NFIA: variants seen among roughly 807,000 people sequenced by gnomAD.
The protein encoded by NFIA is nuclear factor I A, also known as nuclear factor 1 A-type.
In NFIA, 8 loss-of-function variants were observed where a neutral mutation model predicts 62.8. The observed-to-expected ratio is 0.13, with a 90% CI of 0.07 to 0.23. NFIA has a LOEUF of 0.23. Ranked by LOEUF, NFIA falls within the 10% of genes least tolerant of loss-of-function variation. The pLI, the probability that NFIA is intolerant of heterozygous loss-of-function variation, is 1.00. For synonymous variants in NFIA, 235 were observed against 238.1 expected (o/e 0.99, Z 0.12); for missense variants, 410 against 642.1 (o/e 0.64, Z 3.91).
At chr1:61,147,583 T>C (rs753931899) in intron 2 of NFIA, among the ~76,000 whole-genome samples, 12 of 152,272 alleles carry the variant, frequency 7.9e-5, no homozygotes, top group Non-Finnish European at 1.6e-4. Context: ...TAAATTAGAA[T>C]CTTACTATGT....
intron 4 of NFIA, among the ~76,000 whole-genome samples, chr1:61,346,280 C>G (rs1662221850): frequency 6.6e-6 from 1 of 152,184 alleles, no homozygotes; most frequent in African/African-American, 2.4e-5. Context: ...ATTTGATTGG[C>G]AGCGACTGCA....
intron 6 of NFIA, among the ~76,000 whole-genome samples, chr1:61,375,239 A>AT (rs1430768119): frequency 3.3e-5 from 5 of 152,150 alleles, no homozygotes; most frequent in Admixed American, 6.5e-5. Flanking sequence ...CTGATGGTGG[A>AT]TGACTTGCAA....
At chr1:61,332,412 C>T (rs1386577963) in intron 3 of NFIA, 100 bp from the exon 4 acceptor site, 9 of 1,069,574 alleles carry the variant, frequency 8.4e-6, no homozygotes, top group South Asian at 1.3e-5. Flanking sequence ...TGAGATTAGG[C>T]ACCACATGTG....
In NFIA at chr1:61,231,244, TC is replaced by T. The variant is rs1409358544; in HGVS notation, c.560-46275del. Among the ~76,000 whole-genome samples the T allele has an allele frequency of 2.6e-4, 39 of 152,338 alleles. No individual in the cohort carries two copies. The Middle Eastern group carries it at 0.01, about 40-fold the overall frequency. Reference sequence around the variant, plus strand: ...GTTACTTTAAAATTTCCTGGTTTTTTCTTTTGCATATTGGAACTAAGCAATG... The same window carrying T: ...GTTACTTTAAAATTTCCTGGTTTTTTTTTTGCATATTGGAACTAAGCAATG... On this transcript the variant is annotated intron_variant, in intron 2 of 10. Transcript: ENST00000403491.
chr1:61,109,691 A>G (rs765812157), intron 2 of NFIA, among the ~76,000 whole-genome samples: 23 of 151,962 alleles, frequency 1.5e-4, no homozygotes, highest in Non-Finnish European at 2.9e-4. Flanking sequence ...TTCTTAATAT[A>G]TTGAGATTAA....
chr1:61,290,888 T>C, intron 3 of NFIA, among the ~76,000 whole-genome samples: 1 of 152,188 alleles, frequency 6.6e-6, no homozygotes, highest in South Asian at 2.1e-4. Context: ...TTTGACTTTA[T>C]GCTTGTGAAC....
chr1:61,200,010 GTATATATATATATATATATATATATA>G lies in NFIA; in HGVS notation c.560-77478_560-77453del, dbSNP rs60422302. 3.2e-3 allele frequency among the ~76,000 whole-genome samples: 168 copies of G among 52,828 alleles called. 1 individual carries two copies. Among genetic ancestry groups the G allele is most frequent in the South Asian group, 5.9e-3 (9 of 1,514 alleles). 34.7% of individuals were successfully genotyped at this position (52,828 alleles called of 152,430 possible). A position where few individuals can be genotyped will look rare whatever the true frequency, so the allele number is the denominator to read the frequency against. On this transcript the variant is annotated intron_variant, in intron 2 of 10. Transcript: ENST00000403491. ...ACTCCAACTCACAAAATATATATAT[GTATATATATATATATATATATATATA>G]TATATATATATATATATATATATAT...
At chr1:61,332,673 C>T (rs950303330) in intron 4 of NFIA, 87 bp downstream of exon 4, 1 of 1,024,454 alleles carries the variant, frequency 9.8e-7, no homozygotes, top group African/African-American at 1.6e-5. Context: ...CCAAAAAAAG[C>T]TTTCAGAATC....
Position 61,405,835 on chromosome 1 carries a change from G to T in NFIA, c.1255-727G>T, listed in dbSNP as rs528399169. Reference sequence around the variant, plus strand: ...ATTTTTTGTTAAAGAGCTGTTATTTGGTTGTTTTAACATCAGGCAGCAAAA... The same window carrying T: ...ATTTTTTGTTAAAGAGCTGTTATTTTGTTGTTTTAACATCAGGCAGCAAAA... On this transcript the variant is annotated intron_variant, in intron 8 of 10. Coordinates refer to ENST00000403491, the MANE Select transcript of NFIA (RefSeq NM_001134673.4). 2.6e-5 allele frequency among the ~76,000 whole-genome samples: 4 copies of T among 152,198 alleles called. No individual in the cohort carries two copies. The East Asian group carries it at 5.8e-4, about 22-fold the overall frequency.
At chr1:61,446,354 C>G (rs1047861974) in intron 10 of NFIA, among the ~76,000 whole-genome samples, 1 of 152,188 alleles carries the variant, frequency 6.6e-6, no homozygotes, top group African/African-American at 2.4e-5. Context: ...GCCTTCTTCA[C>G]TTCATCTTAA....
intron 9 of NFIA, among the ~76,000 whole-genome samples, chr1:61,415,830 A>G (rs1264543670): frequency 1.3e-5 from 2 of 152,168 alleles, no homozygotes; most frequent in African/African-American, 4.8e-5. Flanking sequence ...TATAAATTTT[A>G]CATGTAAGCC....
intron 2 of NFIA, among the ~76,000 whole-genome samples, chr1:61,128,325 C>G (rs1455330985): frequency 1.3e-5 from 2 of 151,984 alleles, no homozygotes; most frequent in Non-Finnish European, 2.9e-5. Flanking sequence ...AAATGAAGAA[C>G]CTCTTCAAAA....
chr1:61,393,238 CCT>C (rs1383901831), intron 7 of NFIA, among the ~76,000 whole-genome samples: 1 of 40,884 alleles, frequency 2.4e-5, no homozygotes, highest in Non-Finnish European at 3.7e-5. Context: ...TCTGCCTCGC[CCT>C]CTCCCTCTCT....
At chr1:61,141,021 C>T (rs138872490) in intron 2 of NFIA, among the ~76,000 whole-genome samples, 8 of 129,684 alleles carry the variant, frequency 6.2e-5, no homozygotes, top group South Asian at 2.5e-4. Context: ...CTAAGAGGAA[C>T]GCCAACAGAA....
At chr1:61,160,866 T>A (rs75117939) in intron 2 of NFIA, among the ~76,000 whole-genome samples, 2,311 of 152,324 alleles carry the variant, frequency 0.015, 28 homozygotes, top group Non-Finnish European at 0.026. Context: ...GATCACAATC[T>A]AGATTATTTG....
chr1:61,305,213 T>A (rs1325594026), intron 3 of NFIA, among the ~76,000 whole-genome samples: 7 of 151,948 alleles, frequency 4.6e-5, no homozygotes, highest in African/African-American at 1.7e-4. Flanking sequence ...GGAGCAGGAA[T>A]GATTGATATT....
chr1:61,115,132 A>G (rs1045971089), intron 2 of NFIA, among the ~76,000 whole-genome samples: 1 of 152,154 alleles, frequency 6.6e-6, no homozygotes, highest in Non-Finnish European at 1.5e-5. Flanking sequence ...GGCAAAGGCC[A>G]CCACGCCCAG....
intron 2 of NFIA, among the ~76,000 whole-genome samples, chr1:61,157,069 T>C (rs1267428004): frequency 6.6e-6 from 1 of 152,268 alleles, no homozygotes; most frequent in Non-Finnish European, 1.5e-5. Flanking sequence ...GTGGCTGTTC[T>C]ATAGCTGTGA....
At chr1:61,272,792 G>A (rs1178973835) in intron 2 of NFIA, among the ~76,000 whole-genome samples, 4 of 152,134 alleles carry the variant, frequency 2.6e-5, no homozygotes, top group South Asian at 4.2e-4. Flanking sequence ...TTGCCTTTTA[G>A]TTTTTATACT....
Sources: allele counts gnomAD v4.1 joint callset (sites outside exome capture counted in the v4.1 genomes callset), GRCh38; gene constraint gnomAD v4.1.1; transcripts MANE v1.5; gene names NCBI Gene and HGNC (gene_info 2026-07-23, HGNC 2026-07-21).